Variants in BTBD16 observed in about 807,000 individuals in gnomAD.
BTBD16 encodes BTB/POZ domain-containing protein 16.
BTBD16 carries 66 observed loss-of-function variants against 67.4 expected under a neutral mutation model. The ratio of observed to expected loss-of-function variants is 0.98; its 90% CI spans 0.80 to 1.20. The LOEUF (loss-of-function observed/expected upper bound fraction) is 1.20, where lower values mean the gene tolerates loss of function less well. Among genes scored for constraint, BTBD16 ranks in the 50% most tolerant of loss-of-function variants. BTBD16 has a pLI of 0.00. For synonymous variants in BTBD16, 242 were observed against 236.4 expected, an observed-to-expected ratio of 1.02 and a Z score of -0.22; for missense variants, 634 against 616.0, an observed-to-expected ratio of 1.03 and a Z score of -0.31.
At chr10:122,313,066 C>T (rs986407327) in intron 10 of BTBD16, among the ~76,000 whole-genome samples, 9 of 149,986 alleles carry the variant, frequency 6.0e-5, no homozygotes, top group South Asian at 2.1e-4. Context: ...TTAGTAGAGA[C>T]GGGGTTTCAC....
At chr10:122,293,972 C>A in intron 7 of BTBD16, 1 of 216,104 alleles carries the variant, frequency 4.6e-6, no homozygotes, top group Non-Finnish European at 7.9e-6. Context: ...ATCCTCCTTT[C>A]CCCTCCCCCC....
chr10:122,276,956 G>C lies in BTBD16; in HGVS notation c.167+17G>C. 6.2e-7 allele frequency: 1 copy of C among 1,608,378 alleles called. No homozygotes were observed. Among genetic ancestry groups the C allele is most frequent in the Non-Finnish European group, 8.5e-7 (1 of 1,175,788 alleles). Reference sequence around the variant, plus strand: ...CCCAGACAGGTATGGAGACTCAAAGGTTTGTGGGAGGGAATGGCCCATTAT... The same window carrying C: ...CCCAGACAGGTATGGAGACTCAAAGCTTTGTGGGAGGGAATGGCCCATTAT... On this transcript the variant is annotated intron_variant, in intron 3 of 15. Transcript: ENST00000260723.
intron 11 of BTBD16, 61 bp downstream of exon 11, chr10:122,329,632 CA>C: frequency 3.5e-6 from 5 of 1,424,560 alleles, no homozygotes; most frequent in Non-Finnish European, 3.9e-6. Context: ...GCCCACCCCC[CA>C]GCCACTGCCG....
intron 13 of BTBD16, among the ~76,000 whole-genome samples, chr10:122,333,315 A>G (rs1331815934): frequency 6.6e-6 from 1 of 152,306 alleles, no homozygotes; most frequent in South Asian, 2.1e-4. Flanking sequence ...GGGCCCATCA[A>G]ATTGAAACAA....
chr10:122,326,754 T>G (rs2096445581), intron 10 of BTBD16, among the ~76,000 whole-genome samples: 1 of 152,206 alleles, frequency 6.6e-6, no homozygotes, highest in African/African-American at 2.4e-5. Context: ...AGCAAGGAAC[T>G]GTGAACTGTC....
chr10:122,286,029 G>C, intron 4 of BTBD16, 76 bp from the exon 5 acceptor site: 5 of 1,404,076 alleles, frequency 3.6e-6, no homozygotes, highest in Non-Finnish European at 3.9e-6. Context: ...CAAAGGAGCT[G>C]GGGGAGAGGA....
intron 10 of BTBD16, among the ~76,000 whole-genome samples, chr10:122,328,461 G>A (rs566073830): frequency 2.2e-4 from 33 of 152,320 alleles, no homozygotes; most frequent in Admixed American, 4.6e-4. Context: ...GATCACTGGC[G>A]TGGAGCAGTT....
intron 8 of BTBD16, 136 bp from the exon 9 acceptor site, chr10:122,298,868 C>G: frequency 9.1e-7 from 1 of 1,097,500 alleles, no homozygotes. Context: ...TGCTGTAATT[C>G]ATGTATTTTG....
chr10:122,307,357 A>G (rs748545584), intron 10 of BTBD16, 49 bp downstream of exon 10: 3 of 1,517,018 alleles, frequency 2.0e-6, no homozygotes, highest in Admixed American at 2.1e-5. Context: ...ACTGAAATGT[A>G]CAAACACTGC....
intron 6 of BTBD16, among the ~76,000 whole-genome samples, chr10:122,290,812 C>A (rs959886834): frequency 6.6e-6 from 1 of 152,166 alleles, no homozygotes; most frequent in Non-Finnish European, 1.5e-5. Context: ...TAGGGGAGAA[C>A]CCAGGATGGT....
intron 6 of BTBD16, among the ~76,000 whole-genome samples, chr10:122,290,261 G>A (rs531250254): frequency 6.6e-6 from 1 of 152,190 alleles, no homozygotes; most frequent in African/African-American, 2.4e-5. Context: ...ACCGGGAGAA[G>A]ACAGCGGCTT....
intron 10 of BTBD16, among the ~76,000 whole-genome samples, chr10:122,309,774 A>ATT (rs5788543): frequency 0.012 from 1,646 of 136,674 alleles, 38 homozygotes; most frequent in African/African-American, 0.037. Flanking sequence ...TGCTGAGTAC[A>ATT]TTTTTTTTTT....
At chr10:122,328,256 T>A (rs967037346) in intron 10 of BTBD16, among the ~76,000 whole-genome samples, 2 of 152,190 alleles carry the variant, frequency 1.3e-5, no homozygotes, top group Admixed American at 1.3e-4. Context: ...CCACTTACCC[T>A]CGGTAATGGA....
chr10:122,279,794 G>A (rs192228249), intron 3 of BTBD16, among the ~76,000 whole-genome samples: 36 of 152,312 alleles, frequency 2.4e-4, no homozygotes, highest in African/African-American at 8.7e-4. Context: ...CTGTGTTCAT[G>A]TCATGGATGG....
At chr10:122,328,985 C>A (rs548785091) in intron 10 of BTBD16, among the ~76,000 whole-genome samples, 106 of 152,108 alleles carry the variant, frequency 7.0e-4, no homozygotes, top group Non-Finnish European at 1.3e-3. Context: ...ACTTTTGCAG[C>A]GCCTAATTTG....
At chr10:122,313,511 C>G (rs1228342213) in intron 10 of BTBD16, among the ~76,000 whole-genome samples, 1 of 148,596 alleles carries the variant, frequency 6.7e-6, no homozygotes, top group Non-Finnish European at 1.5e-5. Flanking sequence ...GATCCGCCCG[C>G]CTCGGCCTCC....
chr10:122,281,200 C>G (rs142764312), intron 3 of BTBD16, among the ~76,000 whole-genome samples: 2 of 152,276 alleles, frequency 1.3e-5, no homozygotes, highest in Non-Finnish European at 2.9e-5. Context: ...AGGGCGACAC[C>G]AGTTTGAGTT....
intron 7 of BTBD16, among the ~76,000 whole-genome samples, chr10:122,292,230 C>A (rs1590060385): frequency 6.6e-6 from 1 of 152,218 alleles, no homozygotes; most frequent in East Asian, 1.9e-4. Context: ...AACATTTGTC[C>A]CATCTACTTC....
At chr10:122,289,187 A>G (rs924462079) in intron 5 of BTBD16, among the ~76,000 whole-genome samples, 28 of 152,266 alleles carry the variant, frequency 1.8e-4, no homozygotes, top group African/African-American at 6.7e-4. Context: ...GCCTGCCTGC[A>G]CTGCTCCAGG....
Sources: gnomAD v4.1 joint callset for allele counts (sites outside exome capture counted in the v4.1 genomes callset) on GRCh38, gnomAD v4.1.1 for gene constraint, MANE v1.5 for transcripts, NCBI Gene and HGNC (gene_info 2026-07-23, HGNC 2026-07-21) for gene names.